The following RARB variants were observed in gnomAD, a reference collection of about 807,000 sequenced individuals.
RARB encodes the protein HBV-activated protein.
In RARB, 17 loss-of-function variants were observed where a neutral mutation model predicts 51.9. The ratio of observed to expected loss-of-function variants is 0.33; its 90% CI spans 0.22 to 0.49. RARB has a LOEUF of 0.49. Among genes scored for constraint, RARB ranks in the 20% least tolerant of loss-of-function variants. RARB has a pLI of 0.99. For synonymous variants in RARB, 215 were observed against 195.4 expected (o/e 1.10, Z -0.84); for missense variants, 369 against 550.8 (o/e 0.67, Z 3.30).
intron 5 of RARB, among the ~76,000 whole-genome samples, chr3:25,178,140 C>CGAAGGTCTGTTCTCAA (rs1700792888): frequency 6.6e-6 from 1 of 151,848 alleles, no homozygotes; most frequent in Non-Finnish European, 1.5e-5. Context: ...GCCACTTTTC[C>CGAAGGTCTGTTCTCAA]GAAGGTCTGT....
At chr3:25,557,554 T>G (rs1052480954) in intron 3 of RARB, among the ~76,000 whole-genome samples, 1 of 152,096 alleles carries the variant, frequency 6.6e-6, no homozygotes, top group Admixed American at 6.6e-5. Context: ...TCCTCCTCCT[T>G]TGTTCCCTCA....
At chr3:25,282,502 A>T (rs1316648180) in intron 5 of RARB, among the ~76,000 whole-genome samples, 4 of 152,172 alleles carry the variant, frequency 2.6e-5, no homozygotes, top group Non-Finnish European at 5.9e-5. Context: ...CAAAATACTT[A>T]ATATATATAT....
intron 1 of RARB, among the ~76,000 whole-genome samples, chr3:24,830,562 C>T (rs1702266344): frequency 6.6e-6 from 1 of 151,114 alleles, no homozygotes; most frequent in Non-Finnish European, 1.5e-5. Flanking sequence ...TGACACTCCC[C>T]GCCGGAGGCA....
At chr3:25,102,408 G>A (rs911455614) in intron 3 of RARB, among the ~76,000 whole-genome samples, 14 of 151,860 alleles carry the variant, frequency 9.2e-5, no homozygotes, top group Non-Finnish European at 2.1e-4. Flanking sequence ...AGGCATGGTG[G>A]CAATGCTTGT....
At chr3:24,964,039 T>TA (rs1278527689) in intron 2 of RARB, among the ~76,000 whole-genome samples, 1 of 151,834 alleles carries the variant, frequency 6.6e-6, no homozygotes, top group African/African-American at 2.4e-5. Flanking sequence ...CAGTATTTGA[T>TA]ATTTGTTTTT....
intron 3 of RARB, among the ~76,000 whole-genome samples, chr3:25,521,775 G>T (rs1219410275): frequency 2.0e-5 from 3 of 152,124 alleles, no homozygotes; most frequent in Non-Finnish European, 4.4e-5. Flanking sequence ...TAATTGGTAA[G>T]ATCCCTTCCA....
At chr3:25,523,894 T>C (rs961525080) in intron 3 of RARB, among the ~76,000 whole-genome samples, 2 of 152,206 alleles carry the variant, frequency 1.3e-5, no homozygotes, top group African/African-American at 2.4e-5. Context: ...GGACCATTTT[T>C]AGCGATAGTA....
At chr3:25,508,548 A>G (rs17016570) in intron 3 of RARB, among the ~76,000 whole-genome samples, 10,213 of 152,286 alleles carry the variant, frequency 0.067, 471 homozygotes, top group Middle Eastern at 0.19. Flanking sequence ...TGTAGGTTGC[A>G]CTGTGTAGTT....
intron 5 of RARB, among the ~76,000 whole-genome samples, chr3:25,251,282 T>TAA (rs1702712580): frequency 2.0e-5 from 3 of 152,118 alleles, no homozygotes; most frequent in Admixed American, 6.6e-5. Flanking sequence ...AGATGGGCAT[T>TAA]TGGATTGTTT....
Position 25,080,225 on chromosome 3 carries a change from T to C in RARB, c.-328+20049T>C, listed in dbSNP as rs536426118. ...TGATTTGTTTCACTTAGAAGAATGT[T>C]TTCAAAGTTCACCCATTTTGGAGCA... On this transcript the variant is annotated intron_variant, in intron 3 of 11. Transcript: ENST00000383772. Among the ~76,000 whole-genome samples, 9 of 152,352 alleles carry C rather than the reference T, an allele frequency of 5.9e-5. No individual in the cohort carries two copies. In the South Asian group the frequency reaches 6.2e-4, roughly 11 times the overall value.
At chr3:25,095,904 A>C (rs1403702248) in intron 3 of RARB, among the ~76,000 whole-genome samples, 1 of 152,256 alleles carries the variant, frequency 6.6e-6, no homozygotes, top group South Asian at 2.1e-4. Context: ...ATCTCAATGC[A>C]TTTTAAATCT....
rs529835559 is a variant in RARB, at chr3:25,250,229, G to A, written c.178+75654G>A. 6.3e-4 allele frequency among the ~76,000 whole-genome samples: 96 copies of A among 152,250 alleles called. 1 individual carries two copies. The highest frequency in any genetic ancestry group is 2.3e-3 in the African/African-American group (94 of 41,550). The stretch of plus-strand genomic sequence containing the variant: ...TGAGGGATGCCAACAATGGTGGATG[G>A]GGCAGGGTGATCCCCAGGCATGCTT... On this transcript the variant is annotated intron_variant, in intron 5 of 11. Transcript: ENST00000383772.
intron 3 of RARB, among the ~76,000 whole-genome samples, chr3:25,120,497 C>G (rs1290608661): frequency 7.5e-6 from 1 of 134,040 alleles, no homozygotes; most frequent in Non-Finnish European, 1.6e-5. Flanking sequence ...GTACTATCAG[C>G]CAAAAAGAAA....
At chr3:24,952,928 A>T (rs571262570) in intron 2 of RARB, among the ~76,000 whole-genome samples, 1 of 152,178 alleles carries the variant, frequency 6.6e-6, no homozygotes, top group African/African-American at 2.4e-5. Context: ...CAGAAGCTGC[A>T]TAATTTCAGG....
intron 3 of RARB, among the ~76,000 whole-genome samples, chr3:25,123,450 T>C (rs978792104): frequency 6.6e-6 from 1 of 152,220 alleles, no homozygotes; most frequent in African/African-American, 2.4e-5. Context: ...TGTTCTTCAC[T>C]AGACATATTT....
intron 2 of RARB, among the ~76,000 whole-genome samples, chr3:25,032,259 CGG>C (rs1400041312): frequency 6.6e-6 from 1 of 152,158 alleles, no homozygotes; most frequent in Non-Finnish European, 1.5e-5. Flanking sequence ...AATTAAGTCA[CGG>C]GCTGCATAAT....
At chr3:24,901,963 T>C (rs1277447747) in intron 2 of RARB, among the ~76,000 whole-genome samples, 1 of 151,808 alleles carries the variant, frequency 6.6e-6, no homozygotes, top group African/African-American at 2.4e-5. Context: ...CTGCAATTAC[T>C]TTTGCACCAA....
intron 2 of RARB, among the ~76,000 whole-genome samples, chr3:24,862,787 T>G (rs1037682082): frequency 4.6e-5 from 7 of 152,242 alleles, no homozygotes; most frequent in Admixed American, 2.6e-4. Flanking sequence ...TATATTATAC[T>G]GTACTGTATC....
intron 2 of RARB, among the ~76,000 whole-genome samples, chr3:24,991,657 G>A (rs1324514888): frequency 6.6e-6 from 1 of 151,936 alleles, no homozygotes; most frequent in Non-Finnish European, 1.5e-5. Flanking sequence ...TACGGGTTTA[G>A]GAAATTGCCT....
Sources: allele counts gnomAD v4.1 joint callset (sites outside exome capture counted in the v4.1 genomes callset), GRCh38; gene constraint gnomAD v4.1.1; transcripts MANE v1.5; gene names NCBI Gene and HGNC (gene_info 2026-07-23, HGNC 2026-07-21).